The following ZNF564 variants were observed in gnomAD, a reference collection of about 807,000 sequenced individuals.
ZNF564 encodes zinc finger protein 564.
Under a neutral mutation model 10.5 loss-of-function variants are expected in ZNF564, and 5 were observed. That is an observed-to-expected ratio of 0.48 (90% CI 0.25 to 1.00). ZNF564 has a LOEUF of 1.00. ZNF564 is among the 50% of genes least tolerant of loss of function. The pLI is 0.16. For synonymous variants in ZNF564, 242 were observed against 218.1 expected (o/e 1.11, Z -0.97); for missense variants, 603 against 669.7 (o/e 0.90, Z 1.10).
Position 12,527,418 on chromosome 19 carries a change from A to G in ZNF564, c.690T>C (p.Cys230=). The change falls in exon 4 of 4, where the codon TGT becomes TGC. Residue 230 remains cysteine (C), a synonymous_variant. Transcript: ENST00000339282. The part of the protein sequence containing the change: ...TGEKPYECQE[C]AKAFISLPSF... Reference sequence around the variant, plus strand: ...TTGGAAGAGAAATGAAAGCTTTTGCACATTCCTGACATTCATAGGGTTTCT... The same window carrying G: ...TTGGAAGAGAAATGAAAGCTTTTGCGCATTCCTGACATTCATAGGGTTTCT... The G allele has an allele frequency of 6.2e-7, 1 of 1,614,022 alleles. No individual in the cohort carries two copies. Among genetic ancestry groups the G allele is most frequent in the Non-Finnish European group, 8.5e-7 (1 of 1,179,982 alleles).
At chr19:12,541,294 T>A (rs2022045350) in intron 1 of ZNF564, 1 of 152,130 alleles carries the variant, frequency 6.6e-6, no homozygotes, top group Admixed American at 6.6e-5. Flanking sequence ...ACGCCTGTAA[T>A]CCCATCACTT....
intron 1 of ZNF564, among the ~76,000 whole-genome samples, chr19:12,532,232 AT>A (rs200558244): frequency 4.0e-5 from 6 of 151,708 alleles, no homozygotes; most frequent in Admixed American, 6.6e-5. Flanking sequence ...TATAAAAAAA[AT>A]TTAAAAAAAA....
chr19:12,542,098 A>T (rs966803343), intron 1 of ZNF564, among the ~76,000 whole-genome samples: 6 of 150,934 alleles, frequency 4.0e-5, no homozygotes, highest in African/African-American at 1.2e-4. Flanking sequence ...TTGGGAGGCT[A>T]AGGTGTTCAA....
intron 1 of ZNF564, chr19:12,548,774 A>G (rs1267624171): frequency 2.9e-6 from 2 of 700,896 alleles, no homozygotes; most frequent in Non-Finnish European, 5.2e-6. Flanking sequence ...TTAATATTTC[A>G]AAGTCCCATC....
chr19:12,533,166 C>T (rs1452164448), intron 1 of ZNF564, among the ~76,000 whole-genome samples: 2 of 152,128 alleles, frequency 1.3e-5, no homozygotes, highest in East Asian at 3.8e-4. Flanking sequence ...ACAAAGTATG[C>T]TCAGACCACA....
chr19:12,527,158 G>C lies in ZNF564; in HGVS notation c.950C>G (p.Ala317Gly). 6.2e-7 allele frequency: 1 copy of C among 1,614,056 alleles called. No homozygotes were observed. The highest frequency in any genetic ancestry group is 8.5e-7 in the Non-Finnish European group (1 of 1,180,008). Residue 317 changes from alanine (A) to glycine (G), a missense_variant, in exon 4 of 4, where the codon GCC becomes GGC. Transcript: ENST00000339282. ...GPYKCKVCGR[A>G]FIFPSYVRKH... ...TCGAACATAACTGGGAAAAATAAAGGCTCTCCCACATACTTTACATTTATA... is the reference window on the plus strand; with the variant it reads ...TCGAACATAACTGGGAAAAATAAAGCCTCTCCCACATACTTTACATTTATA...
intron 1 of ZNF564, among the ~76,000 whole-genome samples, chr19:12,539,100 G>C (rs569293413): frequency 6.6e-6 from 1 of 151,562 alleles, no homozygotes; most frequent in Non-Finnish European, 1.5e-5. Flanking sequence ...TGGACATGGT[G>C]GTGGGCGCCT....
chr19:12,537,508 G>A (rs2021939921), intron 1 of ZNF564, among the ~76,000 whole-genome samples: 1 of 152,116 alleles, frequency 6.6e-6, no homozygotes, highest in African/African-American at 2.4e-5. Flanking sequence ...GGAGGTCGAG[G>A]GGGGCGGATC....
intron 1 of ZNF564, chr19:12,532,918 T>C (rs1311024224): frequency 6.6e-6 from 1 of 152,138 alleles, no homozygotes; most frequent in Non-Finnish European, 1.5e-5. Flanking sequence ...ACTTGTATAG[T>C]TGGAGACTGC....
intron 1 of ZNF564, 92 bp downstream of exon 1, chr19:12,551,238 T>C (rs946026594): frequency 4.9e-6 from 7 of 1,440,524 alleles, no homozygotes; most frequent in Non-Finnish European, 5.7e-6. Context: ...CTGGAGTCGC[T>C]GCAGGGAGGC....
chr19:12,544,073 T>C (rs962788723), intron 1 of ZNF564, among the ~76,000 whole-genome samples: 1 of 152,140 alleles, frequency 6.6e-6, no homozygotes, highest in East Asian at 1.9e-4. Flanking sequence ...GAAAACTACA[T>C]GTGTGCTGTT....
rs559261564 is a variant in ZNF564, at chr19:12,539,913, G to A, written c.4-11217C>T. On this transcript the variant is annotated intron_variant, in intron 1 of 3. Coordinates refer to ENST00000339282, the MANE Select transcript of ZNF564 (RefSeq NM_144976.4). Reference sequence around the variant, plus strand: ...GGAGATTGGCGTGAATCTGGGAGGCGGAGCTTGCAGTGAGCCGAGATCGCG... The same window carrying A: ...GGAGATTGGCGTGAATCTGGGAGGCAGAGCTTGCAGTGAGCCGAGATCGCG... Among the ~76,000 whole-genome samples, 85 of 144,756 alleles carry A rather than the reference G, an allele frequency of 5.9e-4. No individual in the cohort carries two copies. The South Asian group carries it at 7.5e-3, about 13-fold the overall frequency. 95.0% of individuals were successfully genotyped at this position (144,756 alleles called of 152,430 possible). A position where few individuals can be genotyped will look rare whatever the true frequency, so the allele number is the denominator to read the frequency against.
chr19:12,548,042 A>T, intron 1 of ZNF564: 2 of 412,352 alleles, frequency 4.9e-6, no homozygotes, highest in Non-Finnish European at 6.5e-6. Flanking sequence ...AACTCACCTC[A>T]GGTGATCCAC....
rs1169149253 is a variant in ZNF564 at position 12,539,841 on chromosome 19, T to C, written c.4-11145A>G. 5.5e-5 allele frequency among the ~76,000 whole-genome samples: 8 copies of C among 146,592 alleles called. No individual in the cohort carries two copies. In the East Asian group the frequency reaches 1.2e-3, roughly 22 times the overall value. ...CTACAAAAAAGAAAAATTAGCCAGG[T>C]GTGGTGGTGGGCGCCTGTAGTCCCA... On this transcript the variant is annotated intron_variant, in intron 1 of 3. Coordinates refer to ENST00000339282, the MANE Select transcript of ZNF564 (RefSeq NM_144976.4).
Position 12,526,003 on chromosome 19 carries a change from G to C in ZNF564, c.*443C>G, listed in dbSNP as rs931868156. On this transcript the variant is annotated 3_prime_UTR_variant, in exon 4 of 4. Transcript: ENST00000339282. ...CCATCACATTGTGGGGGAGAGGGGGGGCACGGGGGTAAGGTTTCAACATAT... is the reference window on the plus strand; with the variant it reads ...CCATCACATTGTGGGGGAGAGGGGGCGCACGGGGGTAAGGTTTCAACATAT... 3 of 154,322 alleles carry C rather than the reference G, an allele frequency of 1.9e-5. No homozygotes were observed. The highest frequency in any genetic ancestry group is 7.3e-5 in the African/African-American group (3 of 41,376). The allele number at this position is 154,322 out of a possible 1,614,324, so 9.6% of individuals were successfully genotyped here.
intron 1 of ZNF564, among the ~76,000 whole-genome samples, chr19:12,537,131 G>A (rs767369821): frequency 2.6e-5 from 4 of 152,064 alleles, no homozygotes; most frequent in Non-Finnish European, 4.4e-5. Flanking sequence ...GTTGTAGCAC[G>A]CATCCCCACT....
intron 1 of ZNF564, among the ~76,000 whole-genome samples, chr19:12,536,020 A>C (rs1476244728): frequency 1.3e-5 from 2 of 151,970 alleles, no homozygotes; most frequent in Non-Finnish European, 2.9e-5. Flanking sequence ...TCAAAAAAAA[A>C]AAAAAAAATA....
intron 1 of ZNF564, among the ~76,000 whole-genome samples, chr19:12,534,157 T>C (rs541758919): frequency 6.6e-5 from 10 of 152,260 alleles, no homozygotes; most frequent in South Asian, 4.1e-4. Context: ...AGGGTAAGAA[T>C]GTCTTCTCTC....
chr19:12,527,972 G>C, intron 3 of ZNF564, 56 bp from the exon 4 acceptor site: 2 of 1,500,976 alleles, frequency 1.3e-6, no homozygotes, highest in Non-Finnish European at 1.8e-6. Flanking sequence ...TTATTAATAG[G>C]TATTCGACTT....
Sources: allele counts gnomAD v4.1 joint callset (sites outside exome capture counted in the v4.1 genomes callset), GRCh38; gene constraint gnomAD v4.1.1; transcripts MANE v1.5; gene names NCBI Gene and HGNC (gene_info 2026-07-23, HGNC 2026-07-21).